GRM5: variants seen among roughly 807,000 people sequenced by gnomAD.
The protein encoded by GRM5 is glutamate metabotropic receptor 5.
GRM5 carries 19 observed loss-of-function variants against 83.1 expected under a neutral mutation model. That is an observed-to-expected ratio of 0.23 (90% CI 0.16 to 0.34). GRM5 has a LOEUF of 0.34. Among genes scored for constraint, GRM5 ranks in the 10% least tolerant of loss-of-function variants. The probability of loss-of-function intolerance (pLI) is 1.00; values close to 1 mark genes in which losing one functional copy is unlikely to be tolerated. For missense variants in GRM5, 1,160 were observed against 1,588.3 expected (o/e 0.73, Z 4.58); for synonymous variants, 675 against 633.6 (o/e 1.07, Z -0.98).
chr11:88,586,102 A>G (rs997539334), intron 7 of GRM5, among the ~76,000 whole-genome samples: 10 of 133,088 alleles, frequency 7.5e-5, no homozygotes, highest in African/African-American at 1.1e-4. Context: ...CTCTGCATAC[A>G]TGTTTACACA....
chr11:89,042,597 A>C (rs1450215655), intron 2 of GRM5, among the ~76,000 whole-genome samples: 1 of 152,204 alleles, frequency 6.6e-6, no homozygotes, highest in African/African-American at 2.4e-5. Flanking sequence ...CAATTCCTGG[A>C]GAAACAAAAT....
chr11:88,699,987 T>C (rs1940991294), intron 3 of GRM5, among the ~76,000 whole-genome samples: 1 of 151,906 alleles, frequency 6.6e-6, no homozygotes, highest in African/African-American at 2.4e-5. Flanking sequence ...CTTAGGGGAG[T>C]CCTGAAAGAT....
At chr11:88,752,226 T>G (rs1942293025) in intron 3 of GRM5, among the ~76,000 whole-genome samples, 1 of 152,062 alleles carries the variant, frequency 6.6e-6, no homozygotes, top group African/African-American at 2.4e-5. Flanking sequence ...CACAAAAGTT[T>G]ATTAAGGTGA....
At chr11:88,935,422 A>G (rs1246506497) in intron 2 of GRM5, among the ~76,000 whole-genome samples, 2 of 151,910 alleles carry the variant, frequency 1.3e-5, no homozygotes, top group Non-Finnish European at 2.9e-5. Flanking sequence ...TATTTTGCAT[A>G]TAAGGAAATG....
intron 8 of GRM5, 27 bp from the exon 9 acceptor site, chr11:88,525,431 C>T: frequency 7.2e-7 from 1 of 1,387,338 alleles, no homozygotes; most frequent in Non-Finnish European, 1.0e-6. Flanking sequence ...AGGACAGGAG[C>T]AAACAGAAAG....
At position 88,504,718 on chromosome 11, in the gene GRM5, C is replaced by T. The variant is rs1026785646; in HGVS notation, c.*3874G>A. 5 of 151,672 alleles carry T rather than the reference C, an allele frequency of 3.3e-5. No individual in the cohort carries two copies. The highest frequency in any genetic ancestry group is 1.2e-4 in the African/African-American group (5 of 41,302). The allele number at this position is 151,672 out of a possible 1,614,324, so 9.4% of individuals were successfully genotyped here. On this transcript the variant is annotated 3_prime_UTR_variant, in exon 10 of 10. Transcript: ENST00000305447. ...ATATTTATACAAGTACAAAGCAAAA[C>T]AATGCTGATAAAAATGTTAAACTTT...
intron 2 of GRM5, among the ~76,000 whole-genome samples, chr11:88,997,191 G>A (rs542427720): frequency 6.6e-6 from 1 of 152,100 alleles, no homozygotes; most frequent in Admixed American, 6.5e-5. Flanking sequence ...GCTGGGCTTT[G>A]TGGCAGGTGC....
rs188625867 is a variant in GRM5, at chr11:88,866,106, A to G, written c.662-15951T>C. ...CATCCTACTATAAAGACACATTCAC[A>G]CATATGTTGCAGCACTATTCACAAT... On this transcript the variant is annotated intron_variant, in intron 2 of 9. Transcript: ENST00000305447. Among the ~76,000 whole-genome samples, 5 of 152,224 alleles carry G rather than the reference A, an allele frequency of 3.3e-5. No individual in the cohort carries two copies. In the East Asian group the frequency reaches 9.7e-4, roughly 29 times the overall value.
chr11:88,623,663 T>C (rs1174415416), intron 4 of GRM5, among the ~76,000 whole-genome samples: 1 of 152,226 alleles, frequency 6.6e-6, no homozygotes, highest in East Asian at 1.9e-4. Context: ...AATTGGCAGC[T>C]GTATTCCAGG....
At position 88,509,073 on chromosome 11, in the gene GRM5, G is replaced by A. The variant is rs1941273537; in HGVS notation, c.3158C>T (p.Ser1053Leu). ...GATCTGCTCCATGAGGGAGCCCTGC[G>A]AGGAGCTGCTGCGCGCCACAGGCTC... ...HSEPVARSSS[S>L]QGSLMEQISS... The change falls in exon 10 of 10, where the codon TCG becomes TTG. Residue 1053 changes from serine (S) to leucine (L), a missense_variant. By Grantham distance (145) the Ser-to-Leu change is moderately radical. Around this residue, in one of 9 missense-constraint regions of GRM5, gnomAD observed 562 missense variants for 532.4 expected, o/e 1.06. Transcript: ENST00000305447. 2.6e-6 allele frequency: 4 copies of A among 1,552,782 alleles called. No individual in the cohort carries two copies. Among genetic ancestry groups the A allele is most frequent in the Admixed American group, 3.9e-5 (2 of 51,370 alleles).
chr11:88,712,690 G>T (rs139617684), intron 3 of GRM5, among the ~76,000 whole-genome samples: 1 of 152,088 alleles, frequency 6.6e-6, no homozygotes, highest in African/African-American at 2.4e-5. Context: ...TAGGAGTCAG[G>T]AGACACGGGC....
At chr11:88,594,570 C>T (rs1937748464) in intron 6 of GRM5, among the ~76,000 whole-genome samples, 1 of 152,118 alleles carries the variant, frequency 6.6e-6, no homozygotes, top group Admixed American at 6.5e-5. Flanking sequence ...TTGCTGTATA[C>T]CATAATAAGA....
chr11:88,743,893 C>T (rs1942079416), intron 3 of GRM5, among the ~76,000 whole-genome samples: 2 of 152,058 alleles, frequency 1.3e-5, no homozygotes. Context: ...GAAGTAATTG[C>T]AGTTAATTGT....
intron 2 of GRM5, among the ~76,000 whole-genome samples, chr11:88,977,361 C>T (rs531900153): frequency 5.3e-5 from 8 of 152,026 alleles, no homozygotes; most frequent in African/African-American, 1.2e-4. Context: ...CACAGGCGCC[C>T]GCCACCACAC....
At chr11:88,894,999 TTTGTTATAGTAGCC>T (rs1255714833) in intron 2 of GRM5, among the ~76,000 whole-genome samples, 22 of 152,066 alleles carry the variant, frequency 1.4e-4, no homozygotes, top group African/African-American at 5.3e-4. Flanking sequence ...TGGTGCTATT[TTTGTTATAGTAGCC>T]TGAACTGACT....
At chr11:88,609,265 C>T (rs970988031) in intron 4 of GRM5, among the ~76,000 whole-genome samples, 2 of 152,110 alleles carry the variant, frequency 1.3e-5, no homozygotes, top group Non-Finnish European at 2.9e-5. Context: ...TCTATTCCTG[C>T]ATTAGTTCAC....
intron 4 of GRM5, among the ~76,000 whole-genome samples, chr11:88,633,395 G>C (rs998384150): frequency 6.6e-6 from 1 of 152,022 alleles, no homozygotes; most frequent in Non-Finnish European, 1.5e-5. Context: ...TCTACTGATC[G>C]TGTTTTGCTG....
Position 88,912,327 on chromosome 11 carries a change from T to C in GRM5, c.662-62172A>G, listed in dbSNP as rs568833775. On this transcript the variant is annotated intron_variant, in intron 2 of 9. Transcript: ENST00000305447. ...TGTTACTTTCTTAAAGGGGCTGACTTATCCTAAGGAACTTTATTCTCTCAT... is the reference window on the plus strand; with the variant it reads ...TGTTACTTTCTTAAAGGGGCTGACTCATCCTAAGGAACTTTATTCTCTCAT... Among the ~76,000 whole-genome samples the C allele has an allele frequency of 5.9e-5, 9 of 151,900 alleles. 1 individual carries two copies. In the South Asian group the frequency reaches 1.9e-3, roughly 32 times the overall value.
chr11:88,949,889 G>C (rs1380561093), intron 2 of GRM5, among the ~76,000 whole-genome samples: 4 of 152,016 alleles, frequency 2.6e-5, no homozygotes, highest in African/African-American at 7.2e-5. Context: ...TTTTCAGGTG[G>C]GGTCTTGCTC....
Sources: gnomAD v4.1 joint callset for allele counts (sites outside exome capture counted in the v4.1 genomes callset) on GRCh38, gnomAD v4.1.1 for gene constraint, gnomAD v4.1.1 regional missense constraint, MANE v1.5 for transcripts, NCBI Gene and HGNC (gene_info 2026-07-23, HGNC 2026-07-21) for gene names.